Variants in KCNH5 observed in about 807,000 individuals in gnomAD.
KCNH5 encodes the protein potassium voltage-gated channel subfamily H member 5.
In KCNH5, 46 loss-of-function variants were observed where a neutral mutation model predicts 96.1. The ratio of observed to expected loss-of-function variants is 0.48; its 90% CI spans 0.38 to 0.61. The LOEUF (loss-of-function observed/expected upper bound fraction) is 0.61, where lower values mean the gene tolerates loss of function less well. Among genes scored for constraint, KCNH5 ranks in the 20% least tolerant of loss-of-function variants. KCNH5 has a pLI of 0.00. For missense variants in KCNH5, 907 were observed against 1,225.8 expected (o/e 0.74, Z 3.88); for synonymous variants, 439 against 449.8 (o/e 0.98, Z 0.30).
chr14:62,752,727 A>C (rs1449764136), intron 10 of KCNH5, among the ~76,000 whole-genome samples: 2 of 152,082 alleles, frequency 1.3e-5, no homozygotes, highest in African/African-American at 4.8e-5. Flanking sequence ...AGTTTCCCCC[A>C]TGCTGTTCTC....
At chr14:62,824,140 A>G (rs1887171132) in intron 8 of KCNH5, among the ~76,000 whole-genome samples, 1 of 152,088 alleles carries the variant, frequency 6.6e-6, no homozygotes, top group African/African-American at 2.4e-5. Context: ...CCTATAGACT[A>G]TATTTACTAA....
At position 62,709,219 on chromosome 14, in the gene KCNH5, C is replaced by G. The variant is rs915844475; in HGVS notation, c.2020-764G>C. Among the ~76,000 whole-genome samples the G allele has an allele frequency of 4.9e-5, 5 of 102,764 alleles. No individual in the cohort carries two copies. In the South Asian group the frequency reaches 1.0e-3, roughly 21 times the overall value. 67.4% of individuals were successfully genotyped at this position (102,764 alleles called of 152,430 possible). A position where few individuals can be genotyped will look rare whatever the true frequency, so the allele number is the denominator to read the frequency against. ...CAGCACTCCCGCCTGGGCGACAGAA[C>G]GAGACTCCTTCTCAAAAAAAAAAAA... On this transcript the variant is annotated intron_variant, in intron 10 of 10. Transcript: ENST00000322893.
chr14:62,915,873 G>A (rs747236128), intron 7 of KCNH5, among the ~76,000 whole-genome samples: 3 of 151,996 alleles, frequency 2.0e-5, no homozygotes, highest in Non-Finnish European at 4.4e-5. Context: ...GAAAAACTGT[G>A]TTTTAGAAAT....
intron 1 of KCNH5, among the ~76,000 whole-genome samples, chr14:63,019,184 G>A (rs1286154447): frequency 6.6e-6 from 1 of 151,890 alleles, no homozygotes; most frequent in Non-Finnish European, 1.5e-5. Context: ...TAGCAACTCA[G>A]TAAACCACAA....
At chr14:62,861,894 T>C (rs1888042576) in intron 7 of KCNH5, among the ~76,000 whole-genome samples, 5 of 152,160 alleles carry the variant, frequency 3.3e-5, no homozygotes, top group Admixed American at 2.6e-4. Flanking sequence ...CTTACCTATT[T>C]ATAAGTCTAG....
chr14:62,908,888 G>A (rs1255940772), intron 7 of KCNH5, among the ~76,000 whole-genome samples: 1 of 145,536 alleles, frequency 6.9e-6, no homozygotes, highest in Non-Finnish European at 1.5e-5. Context: ...CCAAACTTGG[G>A]GGTGGTCTGG....
intron 3 of KCNH5, among the ~76,000 whole-genome samples, chr14:63,005,907 C>A (rs997423758): frequency 5.3e-5 from 8 of 152,166 alleles, no homozygotes; most frequent in African/African-American, 1.9e-4. Flanking sequence ...GAGTCTGAGG[C>A]TGGCAAAAGG....
intron 10 of KCNH5, among the ~76,000 whole-genome samples, chr14:62,770,159 C>A (rs990461080): frequency 6.6e-6 from 1 of 152,166 alleles, no homozygotes; most frequent in Non-Finnish European, 1.5e-5. Flanking sequence ...TAGACCATTT[C>A]TTCGAAGATG....
chr14:62,956,772 T>C (rs975385036), intron 6 of KCNH5, among the ~76,000 whole-genome samples: 4 of 152,180 alleles, frequency 2.6e-5, no homozygotes, highest in African/African-American at 9.6e-5. Context: ...ACTTATATGA[T>C]ACTACTAGAC....
intron 10 of KCNH5, among the ~76,000 whole-genome samples, chr14:62,768,476 C>T (rs937350350): frequency 1.3e-5 from 2 of 152,050 alleles, no homozygotes; most frequent in Non-Finnish European, 2.9e-5. Flanking sequence ...AAGTAGTAGA[C>T]ATTTTAGAAA....
chr14:62,886,121 G>GACACACACACACAC (rs58900799), intron 7 of KCNH5, among the ~76,000 whole-genome samples: 6 of 147,804 alleles, frequency 4.1e-5, no homozygotes, highest in African/African-American at 1.2e-4. Context: ...ACCTGCAGAG[G>GACACACACACACAC]ACACACACAC....
At chr14:62,928,077 C>T (rs969113058) in intron 7 of KCNH5, among the ~76,000 whole-genome samples, 1 of 152,070 alleles carries the variant, frequency 6.6e-6, no homozygotes, top group South Asian at 2.1e-4. Context: ...ATAAGGCAAA[C>T]CCAACTGTAG....
chr14:62,896,891 A>G (rs1339498711), intron 7 of KCNH5, among the ~76,000 whole-genome samples: 1 of 152,186 alleles, frequency 6.6e-6, no homozygotes, highest in Non-Finnish European at 1.5e-5. Flanking sequence ...AATATTTTCA[A>G]CTTAACAATG....
chr14:62,753,307 A>AG (rs1885543978), intron 10 of KCNH5, among the ~76,000 whole-genome samples: 1 of 152,112 alleles, frequency 6.6e-6, no homozygotes, highest in African/African-American at 2.4e-5. Context: ...TAGACAGAAG[A>AG]GAAAAAAGAA....
intron 6 of KCNH5, among the ~76,000 whole-genome samples, chr14:62,959,585 A>C (rs966016911): frequency 5.3e-5 from 8 of 152,104 alleles, no homozygotes; most frequent in African/African-American, 1.9e-4. Flanking sequence ...TTTATATAAA[A>C]AAACAGATTG....
intron 2 of KCNH5, 24 bp from the exon 3 acceptor site, chr14:63,006,496 A>G (rs765706102): frequency 7.3e-7 from 1 of 1,368,452 alleles, no homozygotes; most frequent in Admixed American, 1.7e-5. Flanking sequence ...AAAACAAACA[A>G]TCGATTTCAC....
intron 7 of KCNH5, among the ~76,000 whole-genome samples, chr14:62,851,963 G>C (rs1887816204): frequency 6.6e-6 from 1 of 152,068 alleles, no homozygotes; most frequent in South Asian, 2.1e-4. Flanking sequence ...TGAAGAACCT[G>C]CTAATGTATT....
At chr14:62,808,342 G>T (rs1378367862) in intron 8 of KCNH5, among the ~76,000 whole-genome samples, 2 of 152,064 alleles carry the variant, frequency 1.3e-5, no homozygotes, top group African/African-American at 4.8e-5. Flanking sequence ...AAACATATTG[G>T]CTAAAGTTAA....
chr14:63,028,497 G>GC (rs1452551844), intron 1 of KCNH5, among the ~76,000 whole-genome samples: 2 of 152,100 alleles, frequency 1.3e-5, no homozygotes, highest in East Asian at 3.9e-4. Flanking sequence ...TCACAAAGCC[G>GC]CGATTCCCAA....
Sources: allele counts gnomAD v4.1 joint callset (sites outside exome capture counted in the v4.1 genomes callset), GRCh38; gene constraint gnomAD v4.1.1; transcripts MANE v1.5; gene names NCBI Gene and HGNC (gene_info 2026-07-23, HGNC 2026-07-21).